The following KCNT1 variants were observed in gnomAD, a reference collection of about 807,000 sequenced individuals.
KCNT1 encodes the protein potassium sodium-activated channel subfamily T member 1, also known as potassium channel subfamily T member 1.
KCNT1 carries 78 observed loss-of-function variants against 147.8 expected under a neutral mutation model. The observed-to-expected ratio is 0.53, with a 90% CI of 0.44 to 0.64. KCNT1 has a LOEUF of 0.64. Ranked by LOEUF, KCNT1 falls within the 30% of genes least tolerant of loss-of-function variation. The probability of loss-of-function intolerance (pLI) is 0.00; values close to 1 mark genes in which losing one functional copy is unlikely to be tolerated. For synonymous variants in KCNT1, 867 were observed against 748.8 expected (o/e 1.16, Z -2.58); for missense variants, 1,419 against 1,750.3 (o/e 0.81, Z 3.38).
chr9:135,767,011 T>A (rs1832335655), intron 13 of KCNT1, among the ~76,000 whole-genome samples: 1 of 152,160 alleles, frequency 6.6e-6, no homozygotes, highest in African/African-American at 2.4e-5. Flanking sequence ...TATTATTACC[T>A]GGAACTTTCC....
chr9:135,780,646 A>AGAGG (rs1833544473), intron 24 of KCNT1, among the ~76,000 whole-genome samples: 1 of 152,194 alleles, frequency 6.6e-6, no homozygotes, highest in African/African-American at 2.4e-5. Context: ...TCAGCACAGG[A>AGAGG]GAGGGCTCTG....
intron 2 of KCNT1, among the ~76,000 whole-genome samples, chr9:135,734,704 C>CG (rs1265476081): frequency 6.6e-6 from 1 of 152,170 alleles, no homozygotes; most frequent in Non-Finnish European, 1.5e-5. Flanking sequence ...GCAGCCGCCC[C>CG]GGGTGGGCGC....
Position 135,795,032 on chromosome 9 carries a change from A to T in KCNT1, c.*2871A>T, listed in dbSNP as rs1834733872. On this transcript the variant is annotated 3_prime_UTR_variant, in exon 31 of 31. Transcript: ENST00000371757. ...GAATAAGCGAAAAGAATTTTTTTTA[A>T]TGTTTTACGGTAGAATTATTTGAAA... 1 of 152,170 alleles carries T rather than the reference A, an allele frequency of 6.6e-6. No homozygotes were observed. Among genetic ancestry groups the T allele is most frequent in the South Asian group, 2.1e-4 (1 of 4,828 alleles). The allele number at this position is 152,170 out of a possible 1,614,324, so 9.4% of individuals were successfully genotyped here.
intron 29 of KCNT1, chr9:135,788,110 A>G: frequency 3.1e-6 from 5 of 1,611,480 alleles, no homozygotes; most frequent in Non-Finnish European, 4.2e-6. Context: ...AGGACGTAGC[A>G]AATTTAACAG....
At chr9:135,740,677 C>T (rs1830524507) in intron 2 of KCNT1, among the ~76,000 whole-genome samples, 3 of 152,226 alleles carry the variant, frequency 2.0e-5, no homozygotes, top group Non-Finnish European at 4.4e-5. Context: ...GTGACGGCTT[C>T]GGGTGCAGGT....
chr9:135,745,613 TG>T (rs1830789522), intron 2 of KCNT1, among the ~76,000 whole-genome samples: 1 of 152,230 alleles, frequency 6.6e-6, no homozygotes, highest in African/African-American at 2.4e-5. Context: ...AAGAGAAGCC[TG>T]GGACACAGAG....
At chr9:135,702,640 G>A (rs1318685296) in intron 1 of KCNT1, among the ~76,000 whole-genome samples, 1 of 152,122 alleles carries the variant, frequency 6.6e-6, no homozygotes, top group Admixed American at 6.5e-5. Context: ...TGGCTACATG[G>A]GGGTCCTGAG....
intron 1 of KCNT1, among the ~76,000 whole-genome samples, chr9:135,711,863 G>A (rs539211209): frequency 6.6e-6 from 1 of 152,376 alleles, no homozygotes; most frequent in African/African-American, 2.4e-5. Flanking sequence ...ACCTGCTGTA[G>A]CTGAAGCACT....
chr9:135,737,790 G>A (rs541125226), intron 2 of KCNT1, among the ~76,000 whole-genome samples: 18 of 151,954 alleles, frequency 1.2e-4, no homozygotes, highest in African/African-American at 2.9e-4. Context: ...GGCCCCTCCC[G>A]GCACCCCCAT....
intron 17 of KCNT1, 35 bp downstream of exon 17, chr9:135,770,482 C>T (rs1832677992): frequency 1.9e-6 from 3 of 1,586,928 alleles, no homozygotes; most frequent in African/African-American, 1.3e-5. Context: ...GCTGGCGCTC[C>T]AGGGCTGCTC....
At chr9:135,768,998 G>C in intron 15 of KCNT1, 61 bp downstream of exon 15, 5 of 1,270,144 alleles carry the variant, frequency 3.9e-6, no homozygotes, top group Non-Finnish European at 5.6e-6. Flanking sequence ...TGCACACGTG[G>C]GTGATGGTGC....
intron 11 of KCNT1, among the ~76,000 whole-genome samples, chr9:135,761,786 C>T (rs768266594): frequency 5.3e-5 from 8 of 152,210 alleles, no homozygotes; most frequent in Non-Finnish European, 1.0e-4. Flanking sequence ...CTGGCCCAGC[C>T]GAGGTCAGAG....
intron 29 of KCNT1, chr9:135,791,588 T>TGGCTGTCCCCTGCCCTGTG (rs1345779701): frequency 1.8e-6 from 1 of 559,282 alleles, no homozygotes; most frequent in East Asian, 3.0e-5. Flanking sequence ...GCTGCCCTCC[T>TGGCTGTCCCCTGCCCTGTG]GGCTGTCCCC....
intron 29 of KCNT1, among the ~76,000 whole-genome samples, chr9:135,787,332 T>C (rs556167077): frequency 3.3e-5 from 5 of 152,286 alleles, no homozygotes; most frequent in African/African-American, 1.2e-4. Flanking sequence ...TCCCTCACTC[T>C]AGAGATGCTA....
In KCNT1 at chr9:135,772,907, A is replaced by T; in HGVS notation, c.2201A>T (p.Asp734Val). Residue 734 changes from aspartate to valine, a missense_variant, in exon 19 of 31, where the codon GAT (aspartate) becomes GTT (valine). Transcript: ENST00000371757. ...GACCTGCTGAGCGACCAGTCGGAGG[A>T]TGAGGTGACGCCGTCGGACGACGAG... ...PCDLLSDQSE[D>V]EVTPSDDEGL... 1 of 1,547,074 alleles carries T rather than the reference A, an allele frequency of 6.5e-7. No homozygotes were observed. Among genetic ancestry groups the T allele is most frequent in the Non-Finnish European group, 8.7e-7 (1 of 1,147,982 alleles).
Position 135,768,803 on chromosome 9 carries a change from C to T in KCNT1, c.1402-26C>T, listed in dbSNP as rs757314121. On this transcript the variant is annotated intron_variant, in intron 14 of 30. Coordinates refer to ENST00000371757, the MANE Select transcript of KCNT1 (RefSeq NM_020822.3). The stretch of plus-strand genomic sequence containing the variant: ...CAGCCCACAGAGGCCAGCCCGTCTG[C>T]ACTGACCAACCACCCACCCCGCCAG... The T allele has an allele frequency of 2.5e-6, 4 of 1,597,650 alleles. No homozygotes were observed. The South Asian group carries it at 4.5e-5, about 18-fold the overall frequency.
In KCNT1 at chr9:135,702,323, A is replaced by G. The variant is rs551930493; in HGVS notation, c.65A>G (p.Tyr22Cys). ...TGCCGGGAGGCGCGCGGCGGGGGCT[A>G]CACCAACCGGACCTTCGAGTTTGAC... ...GVCREARGGG[Y>C]TNRTFEFDDG... Residue 22 changes from tyrosine to cysteine, a missense_variant, in exon 1 of 31, where the codon TAC (tyrosine) becomes TGC (cysteine). By Grantham distance (194) the Tyr-to-Cys change is radical (BLOSUM62 -2). Coordinates refer to ENST00000371757, the MANE Select transcript of KCNT1 (RefSeq NM_020822.3). 5 of 1,611,458 alleles carry G rather than the reference A, an allele frequency of 3.1e-6. No homozygotes were observed. The African/African-American group carries it at 5.3e-5, about 17-fold the overall frequency.
At position 135,742,713 on chromosome 9, in the gene KCNT1, C is replaced by T. The variant is rs529514272; in HGVS notation, c.255-7385C>T. 2.9e-5 allele frequency: 21 copies of T among 716,938 alleles called. No homozygotes were observed. The African/African-American group carries it at 3.5e-4, about 12-fold the overall frequency. The allele number at this position is 716,938 out of a possible 1,614,324, so 44.4% of individuals were successfully genotyped here. ...CATCCGTCCGTCTATCTGTCTGCTGCCTTCTCCATCTGTCCATCTGTCTCC... is the reference window on the plus strand; with the variant it reads ...CATCCGTCCGTCTATCTGTCTGCTGTCTTCTCCATCTGTCCATCTGTCTCC... On this transcript the variant is annotated intron_variant, in intron 2 of 30. Transcript: ENST00000371757.
intron 11 of KCNT1, among the ~76,000 whole-genome samples, chr9:135,764,385 G>A (rs979965919): frequency 3.3e-5 from 5 of 152,176 alleles, no homozygotes; most frequent in African/African-American, 9.7e-5. Context: ...GCTTGAGCCC[G>A]GGAAGTCAAG....
Sources: gnomAD v4.1 joint callset for allele counts (sites outside exome capture counted in the v4.1 genomes callset) on GRCh38, gnomAD v4.1.1 for gene constraint, MANE v1.5 for transcripts, NCBI Gene and HGNC (gene_info 2026-07-23, HGNC 2026-07-21) for gene names.